Variants in NELL1 observed in about 807,000 individuals in gnomAD.
NELL1 encodes neural EGFL like 1.
NELL1 carries 76 observed loss-of-function variants against 107.4 expected under a neutral mutation model. That is an observed-to-expected ratio of 0.71 (90% confidence interval 0.59 to 0.86). The LOEUF (loss-of-function observed/expected upper bound fraction) is 0.86. Ranked by LOEUF, NELL1 falls within the 40% of genes least tolerant of loss-of-function variation. The pLI, the probability that NELL1 is intolerant of heterozygous loss-of-function variation, is 0.00. For synonymous variants in NELL1, 353 were observed against 341.2 expected, an observed-to-expected ratio of 1.03 and a Z score of -0.38; for missense variants, 1,024 against 1,005.5, an observed-to-expected ratio of 1.02 and a Z score of -0.25.
intron 12 of NELL1, 32 bp from the exon 13 acceptor site, chr11:21,113,557 A>T (rs1315432961): frequency 1.9e-6 from 3 of 1,598,486 alleles, no homozygotes; most frequent in African/African-American, 2.7e-5. Context: ...TTATTTTGCT[A>T]ACCATGATCT....
intron 16 of NELL1, among the ~76,000 whole-genome samples, chr11:21,559,273 G>A: frequency 6.6e-6 from 1 of 152,176 alleles, no homozygotes; most frequent in East Asian, 1.9e-4. Context: ...CTACAAATGA[G>A]TAGAAGTTAC....
intron 3 of NELL1, among the ~76,000 whole-genome samples, chr11:20,819,918 G>A (rs1857712726): frequency 6.6e-6 from 1 of 152,204 alleles, no homozygotes; most frequent in East Asian, 1.9e-4. Flanking sequence ...GTGCCTAAGG[G>A]ACAAAGAGAT....
At chr11:21,389,342 C>A (rs988593606) in intron 15 of NELL1, among the ~76,000 whole-genome samples, 2 of 151,782 alleles carry the variant, frequency 1.3e-5, no homozygotes, top group Non-Finnish European at 2.9e-5. Flanking sequence ...TGAAAGTATT[C>A]CTGAAAAATA....
intron 15 of NELL1, among the ~76,000 whole-genome samples, chr11:21,491,405 T>A (rs1053002814): frequency 6.6e-6 from 1 of 152,150 alleles, no homozygotes; most frequent in Non-Finnish European, 1.5e-5. Context: ...CAGTTTCAGC[T>A]CTCTACATAT....
intron 12 of NELL1, among the ~76,000 whole-genome samples, chr11:20,964,370 TATC>T (rs1464741378): frequency 1.3e-5 from 2 of 152,186 alleles, no homozygotes; most frequent in African/African-American, 2.4e-5. Context: ...AACAATGTAA[TATC>T]ATACACATCA....
intron 14 of NELL1, among the ~76,000 whole-genome samples, chr11:21,267,068 G>A (rs756351912): frequency 1.3e-4 from 19 of 151,970 alleles, no homozygotes; most frequent in Non-Finnish European, 2.5e-4. Flanking sequence ...TATAAACTGT[G>A]GATTTATAGG....
intron 13 of NELL1, among the ~76,000 whole-genome samples, chr11:21,157,960 A>G (rs1245842643): frequency 2.6e-5 from 4 of 152,148 alleles, no homozygotes; most frequent in Non-Finnish European, 5.9e-5. Context: ...TCCAAAGGAA[A>G]TTAGCATTTG....
At chr11:21,388,824 C>A (rs1348221045) in intron 15 of NELL1, among the ~76,000 whole-genome samples, 1 of 151,836 alleles carries the variant, frequency 6.6e-6, no homozygotes, top group Non-Finnish European at 1.5e-5. Flanking sequence ...AGGGAAATAA[C>A]ATTTCCGGAA....
At chr11:21,020,712 T>C (rs912751477) in intron 12 of NELL1, among the ~76,000 whole-genome samples, 2 of 152,004 alleles carry the variant, frequency 1.3e-5, no homozygotes, top group African/African-American at 4.8e-5. Flanking sequence ...CACTCCTTCT[T>C]GCCCCTCTCC....
rs79088372 is a variant in NELL1, at chr11:21,092,494, C to T, written c.1301-21095C>T. 1.2e-3 allele frequency among the ~76,000 whole-genome samples: 179 copies of T among 151,944 alleles called. 3 individuals carry two copies. The East Asian group carries it at 0.02, about 17-fold the overall frequency. The stretch of plus-strand genomic sequence containing the variant: ...AAAGGGTGTAGAACAATGTCTGGCA[C>T]GTGGGAAATGTGCAGAAAGAAACTG... On this transcript the variant is annotated intron_variant, in intron 12 of 19. Coordinates refer to ENST00000357134, the MANE Select transcript of NELL1 (RefSeq NM_006157.5).
intron 16 of NELL1, among the ~76,000 whole-genome samples, chr11:21,552,755 C>T (rs1166709144): frequency 6.6e-6 from 1 of 151,794 alleles, no homozygotes; most frequent in African/African-American, 2.4e-5. Flanking sequence ...CAAGAAAAGA[C>T]ACCATGAGAT....
At chr11:20,863,428 A>C (rs183104068) in intron 4 of NELL1, among the ~76,000 whole-genome samples, 20 of 27,496 alleles carry the variant, frequency 7.3e-4, no homozygotes, top group East Asian at 1.3e-3. Context: ...ACTTCCCAGA[A>C]GGGGTGGCTG....
chr11:21,461,988 A>C (rs944775259), intron 15 of NELL1, among the ~76,000 whole-genome samples: 1 of 152,140 alleles, frequency 6.6e-6, no homozygotes, highest in Non-Finnish European at 1.5e-5. Flanking sequence ...CAGTGATCCG[A>C]AAATAAACTG....
intron 5 of NELL1, among the ~76,000 whole-genome samples, chr11:20,886,791 C>A (rs1288076301): frequency 2.0e-5 from 3 of 152,068 alleles, no homozygotes; most frequent in Non-Finnish European, 4.4e-5. Flanking sequence ...AGGTAACAAA[C>A]CTGCACGTTG....
At chr11:21,404,526 A>G (rs1018051762) in intron 15 of NELL1, among the ~76,000 whole-genome samples, 2 of 151,976 alleles carry the variant, frequency 1.3e-5, no homozygotes, top group African/African-American at 4.8e-5. Flanking sequence ...TCAAAATACA[A>G]GAAAACTGAA....
At chr11:20,765,443 A>G (rs934505218) in intron 2 of NELL1, among the ~76,000 whole-genome samples, 11 of 152,164 alleles carry the variant, frequency 7.2e-5, no homozygotes, top group Non-Finnish European at 1.0e-4. Context: ...GCAGCCTCAC[A>G]CTAGGATAAG....
intron 15 of NELL1, among the ~76,000 whole-genome samples, chr11:21,469,134 T>A (rs543798980): frequency 6.6e-6 from 1 of 152,160 alleles, no homozygotes; most frequent in East Asian, 1.9e-4. Flanking sequence ...AGATTATTTT[T>A]AAAAATATGA....
At chr11:21,287,955 A>C (rs903075132) in intron 14 of NELL1, among the ~76,000 whole-genome samples, 1 of 151,370 alleles carries the variant, frequency 6.6e-6, no homozygotes. Flanking sequence ...ACAGGCTCTT[A>C]GTTCATACTC....
At chr11:20,792,736 T>A (rs946965951) in intron 3 of NELL1, among the ~76,000 whole-genome samples, 7 of 152,002 alleles carry the variant, frequency 4.6e-5, no homozygotes, top group Non-Finnish European at 8.8e-5. Flanking sequence ...TTAGTTAGGA[T>A]CTTTGTATCA....
Sources: gnomAD v4.1 joint callset for allele counts (sites outside exome capture counted in the v4.1 genomes callset) on GRCh38, gnomAD v4.1.1 for gene constraint, MANE v1.5 for transcripts, NCBI Gene and HGNC (gene_info 2026-07-23, HGNC 2026-07-21) for gene names.